The following MCF2L2 variants were observed in gnomAD, a reference collection of about 807,000 sequenced individuals.
The protein encoded by MCF2L2 is MCF.2 cell line derived transforming sequence-like 2, also known as probable guanine nucleotide exchange factor MCF2L2.
In MCF2L2, 102 loss-of-function variants were observed where a neutral mutation model predicts 150.2. The observed-to-expected ratio is 0.68, with a 90% confidence interval of 0.58 to 0.80. The LOEUF (loss-of-function observed/expected upper bound fraction) is 0.80, where lower values mean the gene tolerates loss of function less well. Among genes scored for constraint, MCF2L2 ranks in the 30% least tolerant of loss-of-function variants. The probability of loss-of-function intolerance (pLI) is 0.00; values close to 1 mark genes in which losing one functional copy is unlikely to be tolerated. For missense variants in MCF2L2, 1,256 were observed against 1,372.8 expected (o/e 0.91, Z 1.34); for synonymous variants, 465 against 491.3 (o/e 0.95, Z 0.71).
chr3:183,369,499 A>G (rs1712736818), intron 3 of MCF2L2, among the ~76,000 whole-genome samples: 1 of 152,158 alleles, frequency 6.6e-6, no homozygotes, highest in African/African-American at 2.4e-5. Flanking sequence ...CATGAGACCC[A>G]TGAAGGGGCA....
At chr3:183,326,745 G>A (rs1360372484) in intron 5 of MCF2L2, among the ~76,000 whole-genome samples, 1 of 151,786 alleles carries the variant, frequency 6.6e-6, no homozygotes, top group African/African-American at 2.4e-5. Context: ...TCCCACATAT[G>A]TTGTTTCCTG....
intron 18 of MCF2L2, 196 bp downstream of exon 18, chr3:183,228,101 A>G (rs1177357591): frequency 1.8e-6 from 1 of 550,040 alleles, no homozygotes; most frequent in East Asian, 3.0e-5. Context: ...CACAGGGTGT[A>G]AGTATATCAA....
chr3:183,417,390 C>T (rs545297597), intron 1 of MCF2L2, among the ~76,000 whole-genome samples: 2 of 152,212 alleles, frequency 1.3e-5, no homozygotes, highest in Admixed American at 6.5e-5. Context: ...ATTGTACAGT[C>T]AAAAAGTTGT....
chr3:183,350,687 G>A (rs1419508469), intron 3 of MCF2L2, among the ~76,000 whole-genome samples: 1 of 152,122 alleles, frequency 6.6e-6, no homozygotes, highest in Admixed American at 6.5e-5. Flanking sequence ...GGTGGATCAC[G>A]AGGTCAGGAG....
intron 15 of MCF2L2, among the ~76,000 whole-genome samples, chr3:183,234,010 GT>G (rs1723687689): frequency 6.6e-6 from 1 of 152,100 alleles, no homozygotes; most frequent in African/African-American, 2.4e-5. Flanking sequence ...CTCCCAAAAA[GT>G]TACTTAAACA....
intron 1 of MCF2L2, among the ~76,000 whole-genome samples, chr3:183,402,262 T>C (rs11713285): frequency 0.31 from 45,833 of 149,962 alleles, 7,120 homozygotes; most frequent in Non-Finnish European, 0.36. Flanking sequence ...GCTAACATGG[T>C]GAAACCCCGT....
At chr3:183,394,456 G>C (rs1714331874) in intron 1 of MCF2L2, among the ~76,000 whole-genome samples, 1 of 152,220 alleles carries the variant, frequency 6.6e-6, no homozygotes, top group Non-Finnish European at 1.5e-5. Context: ...AGGAAACTCT[G>C]GACCAGAGGC....
rs545573719 is a variant in MCF2L2 at position 183,379,205 on chromosome 3, C to A, written c.275+92G>T. The stretch of plus-strand genomic sequence containing the variant: ...TATGCATACCAGGGTACACCATGCT[C>A]ATGGAAGTATATGTCTCAACCCAGC... On this transcript the variant is annotated intron_variant, in intron 3 of 29. Transcript: ENST00000328913. The A allele has an allele frequency of 8.3e-5, 71 of 858,722 alleles. No homozygotes were observed. In the African/African-American group the frequency reaches 8.8e-4, roughly 11 times the overall value. The allele number at this position is 858,722 out of a possible 1,614,324, so 53.2% of individuals were successfully genotyped here.
chr3:183,358,657 A>C (rs936564741), intron 3 of MCF2L2, among the ~76,000 whole-genome samples: 1 of 152,154 alleles, frequency 6.6e-6, no homozygotes, highest in Non-Finnish European at 1.5e-5. Context: ...ATCTCATTCT[A>C]TCTCTCAGGC....
At position 183,394,397 on chromosome 3, in the gene MCF2L2, A is replaced by G. The variant is rs58858838; in HGVS notation, c.77-4618T>C. Among the ~76,000 whole-genome samples the G allele has an allele frequency of 3.7e-3, 564 of 152,350 alleles. 8 individuals carry two copies. Among genetic ancestry groups the G allele is most frequent in the African/African-American group, 0.013 (545 of 41,586 alleles). ...CCTAACACTCAAATGAACCTCTTCC[A>G]GCCCGCCCCACCCTCCTACCTCCAC... On this transcript the variant is annotated intron_variant, in intron 1 of 29. Coordinates refer to ENST00000328913, the MANE Select transcript of MCF2L2 (RefSeq NM_015078.4).
chr3:183,372,711 A>G (rs2108579101), intron 3 of MCF2L2: 1 of 152,322 alleles, frequency 6.6e-6, no homozygotes, highest in East Asian at 1.9e-4. Flanking sequence ...AGAAAGAAAG[A>G]AAGAAATAGA....
chr3:183,300,621 G>A (rs892984897), intron 10 of MCF2L2, among the ~76,000 whole-genome samples: 1 of 152,148 alleles, frequency 6.6e-6, no homozygotes, highest in Non-Finnish European at 1.5e-5. Flanking sequence ...CAAGAAGAGG[G>A]ACTGACACCT....
chr3:183,216,464 ATAT>A (rs1168366126), intron 21 of MCF2L2, among the ~76,000 whole-genome samples: 3 of 140,700 alleles, frequency 2.1e-5, no homozygotes, highest in African/African-American at 7.9e-5. Flanking sequence ...AAATATTTAT[ATAT>A]TAATATATAA....
intron 14 of MCF2L2, among the ~76,000 whole-genome samples, chr3:183,280,741 G>A (rs890935153): frequency 2.0e-5 from 3 of 151,552 alleles, no homozygotes; most frequent in African/African-American, 7.3e-5. Flanking sequence ...CCAGCTACTC[G>A]GGAGGCTGAG....
At position 183,181,693 on chromosome 3, in the gene MCF2L2, C is replaced by T. The variant is rs375363686; in HGVS notation, c.3017-1534G>A. ...GGACAGAGGGAGCCATGCCCTTGAC[C>T]ATCCCCTGCATGAATAGGAAGGGCT... On this transcript the variant is annotated intron_variant, in intron 27 of 29. Transcript: ENST00000328913. This position sits in a 1 kb window ranked among gnomAD's most constrained non-coding sequence, Gnocchi z 4.3. Among the ~76,000 whole-genome samples the T allele has an allele frequency of 5.9e-5, 9 of 152,250 alleles. No homozygotes were observed. Among genetic ancestry groups the T allele is most frequent in the African/African-American group, 2.2e-4 (9 of 41,530 alleles).
chr3:183,181,754 G>A lies in MCF2L2; in HGVS notation c.3017-1595C>T, dbSNP rs1478770402. Reference sequence around the variant, plus strand: ...GGTCCATGGCCTCTGTGCCCCGGATGATGCCAGGGCTGCTAGGGACCATAG... The same window carrying A: ...GGTCCATGGCCTCTGTGCCCCGGATAATGCCAGGGCTGCTAGGGACCATAG... On this transcript the variant is annotated intron_variant, in intron 27 of 29. Coordinates refer to ENST00000328913, the MANE Select transcript of MCF2L2 (RefSeq NM_015078.4). This position sits in a 1 kb window ranked among gnomAD's most constrained non-coding sequence, Gnocchi z 4.3. 2.0e-5 allele frequency among the ~76,000 whole-genome samples: 3 copies of A among 152,178 alleles called. No individual in the cohort carries two copies. Among genetic ancestry groups the A allele is most frequent in the Non-Finnish European group, 4.4e-5 (3 of 68,012 alleles).
At chr3:183,357,350 G>A (rs771130005) in intron 3 of MCF2L2, among the ~76,000 whole-genome samples, 15 of 152,182 alleles carry the variant, frequency 9.9e-5, no homozygotes, top group Non-Finnish European at 1.0e-4. Context: ...CTTTTGCAGC[G>A]ATCTAAGGAG....
chr3:183,284,904 T>G (rs1727704457), intron 14 of MCF2L2, among the ~76,000 whole-genome samples: 1 of 152,140 alleles, frequency 6.6e-6, no homozygotes, highest in Non-Finnish European at 1.5e-5. Context: ...TCCCTGAATC[T>G]CCCATTAGCT....
In MCF2L2 at chr3:183,214,315, C is replaced by T. The variant is rs1342276321; in HGVS notation, c.2496+1654G>A. Reference sequence around the variant, plus strand: ...TATTACCAAGAAAATGATCCTTATACACACCCTAACCCTACTCTGCAGTTT... The same window carrying T: ...TATTACCAAGAAAATGATCCTTATATACACCCTAACCCTACTCTGCAGTTT... On this transcript the variant is annotated intron_variant, in intron 22 of 29. Coordinates refer to ENST00000328913, the MANE Select transcript of MCF2L2 (RefSeq NM_015078.4). 2.0e-5 allele frequency among the ~76,000 whole-genome samples: 3 copies of T among 152,166 alleles called. No homozygotes were observed. In the East Asian group the frequency reaches 5.8e-4, roughly 29 times the overall value.
Sources: allele counts gnomAD v4.1 joint callset (sites outside exome capture counted in the v4.1 genomes callset), GRCh38; gene constraint gnomAD v4.1.1; non-coding constraint Gnocchi (gnomAD v3.1); transcripts MANE v1.5; gene names NCBI Gene and HGNC (gene_info 2026-07-23, HGNC 2026-07-21).